STAG1: variants seen among roughly 807,000 people sequenced by gnomAD.
STAG1 encodes the protein STAG1 cohesin complex component.
A neutral mutation model predicts 170.9 loss-of-function variants in STAG1; 26 were observed. The ratio of observed to expected loss-of-function variants is 0.15; its 90% confidence interval spans 0.11 to 0.21. The LOEUF (loss-of-function observed/expected upper bound fraction) is 0.21, where lower values mean the gene tolerates loss of function less well. STAG1 is among the 10% of genes least tolerant of loss of function. The probability of loss-of-function intolerance (pLI) is 1.00; values close to 1 mark genes in which losing one functional copy is unlikely to be tolerated. For missense variants in STAG1, 964 were observed against 1,509.5 expected (o/e 0.64, Z 5.99); for synonymous variants, 514 against 497.7 (o/e 1.03, Z -0.44).
At chr3:136,623,652 G>A (rs1327300743) in intron 2 of STAG1, among the ~76,000 whole-genome samples, 1 of 152,094 alleles carries the variant, frequency 6.6e-6, no homozygotes, top group Admixed American at 6.6e-5. Context: ...AAACACCTAA[G>A]TTATAAGTAT....
chr3:136,487,464 T>A (rs2090040640), intron 9 of STAG1, among the ~76,000 whole-genome samples: 1 of 152,204 alleles, frequency 6.6e-6, no homozygotes, highest in African/African-American at 2.4e-5. Context: ...CTACTTCAGA[T>A]GCCAGTTCAA....
intron 4 of STAG1, among the ~76,000 whole-genome samples, chr3:136,579,268 C>G (rs1937542062): frequency 6.6e-6 from 1 of 152,162 alleles, no homozygotes; most frequent in Admixed American, 6.5e-5. Context: ...AGAAGTATAC[C>G]TTCGTACTCA....
At chr3:136,614,756 T>C (rs147643637) in intron 3 of STAG1, among the ~76,000 whole-genome samples, 219 of 152,022 alleles carry the variant, frequency 1.4e-3, no homozygotes, top group African/African-American at 4.9e-3. Context: ...AGTTGCAGTA[T>C]GAATGTGCAA....
rs768109172 is a variant in STAG1 at position 136,521,355 on chromosome 3, A to G, written c.534T>C (p.Phe178=). The G allele has an allele frequency of 3.0e-5, 48 of 1,613,666 alleles. No homozygotes were observed. The South Asian group carries it at 4.8e-4, about 16-fold the overall frequency. ...GPQWKKFRSN[F]CEFIGVLIRQ... ...GAATCAGGACTCCAATAAATTCACA[A>G]AAGTTTGAACGAAATTTTTTCCACT... The change falls in exon 7 of 34, where the codon TTT becomes TTC. Residue 178 remains phenylalanine (F), a synonymous_variant. Coordinates refer to ENST00000383202, the MANE Select transcript of STAG1 (RefSeq NM_005862.3).
chr3:136,491,016 C>CCTA (rs1576525214), intron 9 of STAG1, among the ~76,000 whole-genome samples: 2 of 152,122 alleles, frequency 1.3e-5, no homozygotes, highest in East Asian at 1.9e-4. Context: ...TATTCCCTAA[C>CCTA]CTACTCAGCA....
At chr3:136,443,226 A>G in intron 15 of STAG1, 61 bp downstream of exon 15, 1 of 1,183,624 alleles carries the variant, frequency 8.4e-7, no homozygotes, top group Non-Finnish European at 1.3e-6. Context: ...ATCTATATAC[A>G]ACTGTATTGC....
At chr3:136,465,365 G>A (rs1338142832) in intron 12 of STAG1, among the ~76,000 whole-genome samples, 1 of 151,298 alleles carries the variant, frequency 6.6e-6, no homozygotes, top group Non-Finnish European at 1.5e-5. Context: ...GATTACAGGT[G>A]CCCAACACCA....
intron 5 of STAG1, among the ~76,000 whole-genome samples, chr3:136,556,441 CTTCCCACGACAAAGACT>C (rs1576603344): frequency 6.6e-6 from 1 of 152,152 alleles, no homozygotes; most frequent in African/African-American, 2.4e-5. Context: ...TGAAAGAATG[CTTCCCACGACAAAGACT>C]TTCCAGTCCA....
chr3:136,389,132 T>C (rs898176748), intron 22 of STAG1, among the ~76,000 whole-genome samples: 1 of 152,180 alleles, frequency 6.6e-6, no homozygotes, highest in Non-Finnish European at 1.5e-5. Context: ...AATGTAATAC[T>C]TGTTACTTAG....
At chr3:136,403,661 G>T (rs761229499) in intron 21 of STAG1, among the ~76,000 whole-genome samples, 1 of 152,088 alleles carries the variant, frequency 6.6e-6, no homozygotes, top group Admixed American at 6.6e-5. Context: ...GAGTAATGTT[G>T]AAGAATTGCT....
chr3:136,528,507 A>G (rs951572123), intron 6 of STAG1, among the ~76,000 whole-genome samples: 3 of 62,694 alleles, frequency 4.8e-5, no homozygotes, highest in African/African-American at 1.8e-4. Flanking sequence ...CCCCCCCCCA[A>G]AAAATCACTA....
intron 1 of STAG1, among the ~76,000 whole-genome samples, chr3:136,642,260 ATTTC>A (rs1432437944): frequency 1.8e-4 from 23 of 130,434 alleles, no homozygotes; most frequent in Admixed American, 3.3e-4. Flanking sequence ...AACAGACAGA[ATTTC>A]TTTTTTTTTT....
At chr3:136,723,911 C>T (rs1013385564) in intron 1 of STAG1, among the ~76,000 whole-genome samples, 1 of 149,694 alleles carries the variant, frequency 6.7e-6, no homozygotes, top group Non-Finnish European at 1.5e-5. Flanking sequence ...CGGCCAGTCG[C>T]CCCGTCTGGG....
chr3:136,714,841 C>CA (rs1943475817), intron 1 of STAG1, among the ~76,000 whole-genome samples: 1 of 142,650 alleles, frequency 7.0e-6, no homozygotes, highest in African/African-American at 2.6e-5. Context: ...CCTGGGAGGT[C>CA]AAGGCTGCAG....
intron 1 of STAG1, among the ~76,000 whole-genome samples, chr3:136,700,450 G>A (rs951765495): frequency 4.2e-5 from 6 of 143,648 alleles, no homozygotes; most frequent in South Asian, 2.2e-4. Flanking sequence ...ACAGAATTTC[G>A]CTCTTGTTGC....
At chr3:136,533,614 A>T (rs1282061962) in intron 6 of STAG1, among the ~76,000 whole-genome samples, 2 of 152,196 alleles carry the variant, frequency 1.3e-5, no homozygotes, top group African/African-American at 4.8e-5. Flanking sequence ...TTTAAAAAAT[A>T]ACCAGATATC....
intron 16 of STAG1, among the ~76,000 whole-genome samples, chr3:136,429,128 T>C (rs1440141573): frequency 6.8e-6 from 1 of 147,852 alleles, no homozygotes; most frequent in Non-Finnish European, 1.5e-5. Flanking sequence ...GAGCGCAGGC[T>C]GGGAGAGGTG....
At chr3:136,339,887 T>C (rs185016621) in intron 32 of STAG1, among the ~76,000 whole-genome samples, 99 of 152,370 alleles carry the variant, frequency 6.5e-4, no homozygotes, top group African/African-American at 2.3e-3. Flanking sequence ...CATTTTGTTA[T>C]GCTGAAGCAC....
chr3:136,521,615 C>CA (rs1240803028), intron 6 of STAG1, among the ~76,000 whole-genome samples, 198 bp from the exon 7 acceptor site: 2 of 152,034 alleles, frequency 1.3e-5, no homozygotes, highest in African/African-American at 4.8e-5. Context: ...TTAAAATACT[C>CA]AAAATTACTA....
Sources: gnomAD v4.1 joint callset for allele counts (sites outside exome capture counted in the v4.1 genomes callset) on GRCh38, gnomAD v4.1.1 for gene constraint, MANE v1.5 for transcripts, NCBI Gene and HGNC (gene_info 2026-07-23, HGNC 2026-07-21) for gene names.